ATP11A: variants seen among roughly 807,000 people sequenced by gnomAD.
The protein encoded by ATP11A is phospholipid-transporting ATPase IH.
In ATP11A, 81 loss-of-function variants were observed where a neutral mutation model predicts 154.4. The ratio of observed to expected loss-of-function variants is 0.52; its 90% CI spans 0.44 to 0.63. The LOEUF (loss-of-function observed/expected upper bound fraction) is 0.63, where lower values mean the gene tolerates loss of function less well. Among genes scored for constraint, ATP11A ranks in the 30% least tolerant of loss-of-function variants. ATP11A has a pLI of 0.00. For synonymous variants in ATP11A, 623 were observed against 585.9 expected, an observed-to-expected ratio of 1.06 and a Z score of -0.91; for missense variants, 1,316 against 1,474.3, an observed-to-expected ratio of 0.89 and a Z score of 1.76.
chr13:112,706,894 T>C (rs1887198037), intron 1 of ATP11A, among the ~76,000 whole-genome samples: 1 of 152,270 alleles, frequency 6.6e-6, no homozygotes, highest in South Asian at 2.1e-4. Context: ...ATCATTTTAA[T>C]GTGAATTTCT....
intron 1 of ATP11A, among the ~76,000 whole-genome samples, chr13:112,772,341 C>G (rs943842143): frequency 6.6e-6 from 1 of 152,148 alleles, no homozygotes; most frequent in Admixed American, 6.5e-5. Flanking sequence ...GGAGCGGCTG[C>G]GGTGGGGCCA....
intron 8 of ATP11A, among the ~76,000 whole-genome samples, chr13:112,821,131 T>TA (rs1226990155): frequency 6.6e-6 from 1 of 152,172 alleles, no homozygotes; most frequent in East Asian, 1.9e-4. Context: ...CCGTGAGAAT[T>TA]AATTTGTGTT....
intron 1 of ATP11A, among the ~76,000 whole-genome samples, chr13:112,768,404 G>C (rs61961151): frequency 0.048 from 7,277 of 152,304 alleles, 266 homozygotes; most frequent in Admixed American, 0.08. Flanking sequence ...TGGGGATCCA[G>C]GGTGCCTGCC....
intron 1 of ATP11A, among the ~76,000 whole-genome samples, chr13:112,776,067 G>A (rs1015379250): frequency 4.6e-5 from 7 of 152,202 alleles, no homozygotes; most frequent in African/African-American, 9.6e-5. Context: ...CCGTGGAGGC[G>A]GCTGACCTGC....
intron 2 of ATP11A, among the ~76,000 whole-genome samples, chr13:112,791,745 GC>G (rs373081213): frequency 5.3e-5 from 8 of 152,286 alleles, no homozygotes; most frequent in African/African-American, 1.9e-4. Flanking sequence ...CCTCGGCTGG[GC>G]CCTTCCTCTC....
intron 1 of ATP11A, among the ~76,000 whole-genome samples, chr13:112,724,212 C>T (rs1889562237): frequency 6.7e-6 from 1 of 149,226 alleles, no homozygotes; most frequent in Admixed American, 6.7e-5. Context: ...TCGCCCCATT[C>T]CGACACTGCA....
At position 112,754,344 on chromosome 13, in the gene ATP11A, C is replaced by T. The variant is rs2076765789; in HGVS notation, c.40-30791C>T. 6.6e-6 allele frequency: 1 copy of T among 152,282 alleles called. No individual in the cohort carries two copies. Among genetic ancestry groups the T allele is most frequent in the African/African-American group, 2.4e-5 (1 of 41,436 alleles). 9.4% of individuals were successfully genotyped at this position (152,282 alleles called of 1,614,324 possible). ...TCCCCAGTCCCACCTCTGCATATGC[C>T]TCCAGATAACGCTCGCCATGTTTGG... On this transcript the variant is annotated intron_variant, in intron 1 of 29. Transcript: ENST00000375645. The surrounding 1 kb of genome is among the most constrained non-coding windows in gnomAD (Gnocchi z 5.3).
At chr13:112,735,239 C>T (rs1890877263) in intron 1 of ATP11A, among the ~76,000 whole-genome samples, 3 of 152,110 alleles carry the variant, frequency 2.0e-5, no homozygotes, top group Admixed American at 1.3e-4. Context: ...ATACCATAAA[C>T]GGGTTTTGCT....
intron 1 of ATP11A, among the ~76,000 whole-genome samples, chr13:112,772,424 A>G (rs2077247775): frequency 6.6e-6 from 1 of 152,224 alleles, no homozygotes; most frequent in African/African-American, 2.4e-5. Flanking sequence ...TTGTTGAAAT[A>G]TAACTTACAT....
intron 25 of ATP11A, among the ~76,000 whole-genome samples, chr13:112,870,830 G>C (rs576463900): frequency 1.4e-4 from 21 of 151,780 alleles, no homozygotes; most frequent in South Asian, 8.3e-4. Context: ...TCCCCAAGGC[G>C]GGGGGTGGTC....
chr13:112,722,794 G>A (rs1889349621), intron 1 of ATP11A, among the ~76,000 whole-genome samples: 1 of 152,232 alleles, frequency 6.6e-6, no homozygotes, highest in Non-Finnish European at 1.5e-5. Context: ...CCAAGGTGGT[G>A]GGGCTGGTTG....
chr13:112,710,583 G>C (rs569864005), intron 1 of ATP11A, among the ~76,000 whole-genome samples: 97 of 152,348 alleles, frequency 6.4e-4, no homozygotes, highest in African/African-American at 2.2e-3. Context: ...GGCCTCTGTG[G>C]TGGCCAAGCA....
intron 7 of ATP11A, 81 bp from the exon 8 acceptor site, chr13:112,819,819 C>T (rs1323153585): frequency 1.3e-6 from 2 of 1,482,124 alleles, no homozygotes; most frequent in Admixed American, 3.4e-5. Flanking sequence ...GTGTGGCTCA[C>T]AGAAGGCAGG....
In ATP11A at chr13:112,857,241, G is replaced by A. The variant is rs181029116; in HGVS notation, c.2419-577G>A. Among the ~76,000 whole-genome samples, 206 of 148,752 alleles carry A rather than the reference G, an allele frequency of 1.4e-3. 1 individual carries two copies. Among genetic ancestry groups the A allele is most frequent in the East Asian group, 0.01 (53 of 5,182 alleles). On this transcript the variant is annotated intron_variant, in intron 20 of 29. Coordinates refer to ENST00000375645, the MANE Select transcript of ATP11A (RefSeq NM_015205.3). ...ACTGTTACATTTAGGCACATAGATG[G>A]GGGGGAAAAGATTATAAAGAAATTG...
chr13:112,806,964 G>A (rs1184766781), intron 4 of ATP11A, among the ~76,000 whole-genome samples: 1 of 152,312 alleles, frequency 6.6e-6, no homozygotes, highest in Non-Finnish European at 1.5e-5. Flanking sequence ...AGGCGTCAGC[G>A]CTTCATTCCG....
chr13:112,749,002 A>G (rs1242148683), intron 1 of ATP11A, among the ~76,000 whole-genome samples: 2 of 152,208 alleles, frequency 1.3e-5, no homozygotes, highest in South Asian at 4.1e-4. Context: ...TGAGCCATGC[A>G]CTGGGTCACG....
chr13:112,732,008 G>A (rs1250470962), intron 1 of ATP11A, among the ~76,000 whole-genome samples: 1 of 152,068 alleles, frequency 6.6e-6, no homozygotes, highest in South Asian at 2.1e-4. Flanking sequence ...CCCCAGGTGA[G>A]ACAGTGGCCC....
At chr13:112,750,609 C>T (rs376542120) in intron 1 of ATP11A, among the ~76,000 whole-genome samples, 27 of 150,716 alleles carry the variant, frequency 1.8e-4, no homozygotes, top group East Asian at 1.6e-3. Context: ...CATCCTCCCA[C>T]GTGGGGACAC....
chr13:112,818,222 T>A (rs2078699149), intron 6 of ATP11A, among the ~76,000 whole-genome samples: 1 of 150,862 alleles, frequency 6.6e-6, no homozygotes, highest in African/African-American at 2.4e-5. Flanking sequence ...GTTGGTGCGC[T>A]TGGTGACGGG....
Sources: gnomAD v4.1 joint callset for allele counts (sites outside exome capture counted in the v4.1 genomes callset) on GRCh38, gnomAD v4.1.1 for gene constraint, Gnocchi (gnomAD v3.1) non-coding constraint, MANE v1.5 for transcripts, NCBI Gene and HGNC (gene_info 2026-07-23, HGNC 2026-07-21) for gene names.